NEU3: variants seen among roughly 807,000 people sequenced by gnomAD.
NEU3 encodes sialidase-3.
Under a neutral mutation model 11.4 loss-of-function variants are expected in NEU3, and 10 were observed. The observed-to-expected ratio is 0.88, with a 90% confidence interval of 0.54 to 1.49. The LOEUF (loss-of-function observed/expected upper bound fraction) is 1.49. Among genes scored for constraint, NEU3 ranks in the 40% most tolerant of loss-of-function variants. The pLI, the probability that NEU3 is intolerant of heterozygous loss-of-function variation, is 0.00. For synonymous variants in NEU3, 212 were observed against 228.2 expected (o/e 0.93, Z 0.64); for missense variants, 529 against 581.8 (o/e 0.91, Z 0.93).
chr11:75,020,553 C>G (rs1948998903), downstream of NEU3, among the ~76,000 whole-genome samples: 1 of 152,208 alleles, frequency 6.6e-6, no homozygotes, highest in Non-Finnish European at 1.5e-5. Context: ...CCTTCACAAG[C>G]CCTCTCTTTG....
At chr11:74,988,887 T>A, upstream of NEU3, 1 of 620,836 alleles carries the variant, frequency 1.6e-6, no homozygotes, top group Non-Finnish European at 2.8e-6. Flanking sequence ...CGCCACTGAC[T>A]ACAGCCTGCG....
chr11:75,019,264 G>A (rs1948992923), downstream of NEU3, among the ~76,000 whole-genome samples: 1 of 152,254 alleles, frequency 6.6e-6, no homozygotes, highest in Non-Finnish European at 1.5e-5. Context: ...AGAGGAGCCG[G>A]ATGTTGATCC....
upstream of NEU3, among the ~76,000 whole-genome samples, chr11:74,987,015 G>C (rs980391008): frequency 6.6e-6 from 1 of 152,170 alleles, no homozygotes; most frequent in Non-Finnish European, 1.5e-5. Context: ...GGGAAGAAAA[G>C]GTGAGCAATA....
At chr11:74,992,275 A>C (rs912101557) in intron 1 of NEU3, among the ~76,000 whole-genome samples, 1 of 152,166 alleles carries the variant, frequency 6.6e-6, no homozygotes, top group Non-Finnish European at 1.5e-5. Context: ...TTTACCTCTA[A>C]AGTAGCACTT....
chr11:75,008,503 T>C lies in NEU3; in HGVS notation c.*2011T>C, dbSNP rs1444919198. 1.3e-5 allele frequency: 2 copies of C among 151,928 alleles called. No individual in the cohort carries two copies. The highest frequency in any genetic ancestry group is 3.9e-4 in the East Asian group (2 of 5,186). The allele number at this position is 151,928 out of a possible 1,614,324, so 9.4% of individuals were successfully genotyped here. On this transcript the variant is annotated 3_prime_UTR_variant, in exon 3 of 3. Coordinates refer to ENST00000294064, the MANE Select transcript of NEU3 (RefSeq NM_006656.6). ...TGCAAGTGGATAGGAATAGGGAGGA[T>C]GGCCAAGTCGTACAACCAGGGCTAA...
At chr11:74,983,301 C>T (rs1377566255), upstream of NEU3, among the ~76,000 whole-genome samples, 1 of 152,130 alleles carries the variant, frequency 6.6e-6, no homozygotes, top group Non-Finnish European at 1.5e-5. Flanking sequence ...TATAAGTCTC[C>T]CATTCAGGGA....
intron 3 of NEU3, chr11:75,018,570 G>A (rs1285691565): frequency 1.3e-5 from 2 of 152,194 alleles, no homozygotes; most frequent in Non-Finnish European, 2.9e-5. Flanking sequence ...TCAGTTTTGG[G>A]ACTCAGACTG....
Position 74,989,168 on chromosome 11 carries a change from G to A in NEU3, c.94+14G>A, listed in dbSNP as rs1329508227. ...GGTCCAGTGCAGGTGAGCGGGGTTGGGAGACAGGAGAGCTCCCCGAGGAGG... is the reference window on the plus strand; with the variant it reads ...GGTCCAGTGCAGGTGAGCGGGGTTGAGAGACAGGAGAGCTCCCCGAGGAGG... On this transcript the variant is annotated intron_variant, in intron 1 of 2. Coordinates refer to ENST00000294064, the MANE Select transcript of NEU3 (RefSeq NM_006656.6). 6.5e-7 allele frequency: 1 copy of A among 1,546,006 alleles called. No individual in the cohort carries two copies. The highest frequency in any genetic ancestry group is 1.2e-5 in the South Asian group (1 of 83,922).
chr11:75,017,640 T>G (rs1003468765), intron 3 of NEU3, among the ~76,000 whole-genome samples: 1 of 152,092 alleles, frequency 6.6e-6, no homozygotes, highest in Non-Finnish European at 1.5e-5. Flanking sequence ...CTGGCTTCTT[T>G]GGGGATATTG....
In NEU3 at chr11:75,007,374, C is replaced by G. The variant is rs141499221; in HGVS notation, c.*882C>G. ...TCACCAGTTTATGGGGCTAGAAGAG[C>G]GAGAAAATTCAAGAAAATAAATGTA... On this transcript the variant is annotated 3_prime_UTR_variant, in exon 3 of 3. Coordinates refer to ENST00000294064, the MANE Select transcript of NEU3 (RefSeq NM_006656.6). The G allele has an allele frequency of 3.9e-5, 6 of 152,238 alleles. No homozygotes were observed. In the East Asian group the frequency reaches 1.2e-3, roughly 29 times the overall value. 9.4% of individuals were successfully genotyped at this position (152,238 alleles called of 1,614,324 possible).
Sources: allele counts gnomAD v4.1 joint callset (sites outside exome capture counted in the v4.1 genomes callset), GRCh38; gene constraint gnomAD v4.1.1; transcripts MANE v1.5; gene names NCBI Gene and HGNC (gene_info 2026-07-23, HGNC 2026-07-21).